IMMP2L: variants seen among roughly 807,000 people sequenced by gnomAD.
IMMP2L encodes inner mitochondrial membrane peptidase subunit 2, also known as mitochondrial inner membrane protease subunit 2.
A neutral mutation model predicts 19.3 loss-of-function variants in IMMP2L; 18 were observed. The ratio of observed to expected loss-of-function variants is 0.93; its 90% CI spans 0.64 to 1.38. IMMP2L has a LOEUF of 1.38. Among genes scored for constraint, IMMP2L ranks in the 40% most tolerant of loss-of-function variants. IMMP2L has a pLI of 0.00. For missense variants in IMMP2L, 233 were observed against 218.2 expected (o/e 1.07, Z -0.43); for synonymous variants, 76 against 73.0 (o/e 1.04, Z -0.21).
intron 3 of IMMP2L, among the ~76,000 whole-genome samples, chr7:110,993,217 G>A (rs1288794322): frequency 6.6e-6 from 1 of 152,010 alleles, no homozygotes; most frequent in Admixed American, 6.6e-5. Context: ...TATGCTGTTT[G>A]AATGATTGAA....
At chr7:111,263,631 G>C (rs963378493) in intron 3 of IMMP2L, among the ~76,000 whole-genome samples, 1 of 152,062 alleles carries the variant, frequency 6.6e-6, no homozygotes, top group Non-Finnish European at 1.5e-5. Context: ...GCATATCAAT[G>C]GTATTTTTAA....
chr7:110,987,466 A>C (rs540739501), intron 3 of IMMP2L, among the ~76,000 whole-genome samples: 1 of 152,190 alleles, frequency 6.6e-6, no homozygotes, highest in African/African-American at 2.4e-5. Context: ...CAAGTATGTC[A>C]AAGTTTCCTT....
intron 3 of IMMP2L, chr7:111,392,115 C>A: frequency 1.6e-6 from 1 of 630,984 alleles, no homozygotes; most frequent in Non-Finnish European, 2.8e-6. Flanking sequence ...CTATTAGCGA[C>A]CCAAGGAGGA....
chr7:111,017,652 T>C (rs1429901878), intron 3 of IMMP2L, among the ~76,000 whole-genome samples: 1 of 152,162 alleles, frequency 6.6e-6, no homozygotes, highest in Admixed American at 6.5e-5. Flanking sequence ...CAATCCCTTC[T>C]TTACCAGCAG....
At chr7:110,664,159 C>A (rs1285274152) in intron 5 of IMMP2L, among the ~76,000 whole-genome samples, 1 of 152,034 alleles carries the variant, frequency 6.6e-6, no homozygotes, top group African/African-American at 2.4e-5. Flanking sequence ...ATAAATCTGG[C>A]GTATATTCTC....
intron 3 of IMMP2L, among the ~76,000 whole-genome samples, chr7:111,054,872 G>A (rs1417101306): frequency 2.0e-5 from 3 of 152,132 alleles, no homozygotes; most frequent in Non-Finnish European, 4.4e-5. Flanking sequence ...GTAAAAGATA[G>A]AAGAGAATTC....
chr7:111,210,679 A>C (rs561029803), intron 3 of IMMP2L, among the ~76,000 whole-genome samples: 1 of 152,158 alleles, frequency 6.6e-6, no homozygotes, highest in African/African-American at 2.4e-5. Flanking sequence ...ATTCTTAATC[A>C]TAAGACTGCC....
intron 3 of IMMP2L, among the ~76,000 whole-genome samples, chr7:110,978,955 T>C (rs1404963414): frequency 6.6e-6 from 1 of 152,046 alleles, no homozygotes; most frequent in Admixed American, 6.5e-5. Context: ...AACATATAAA[T>C]ATACTTTTTA....
intron 3 of IMMP2L, among the ~76,000 whole-genome samples, chr7:111,042,689 G>C (rs1353935828): frequency 6.6e-6 from 1 of 152,174 alleles, no homozygotes; most frequent in Non-Finnish European, 1.5e-5. Flanking sequence ...TAAGAGCTTA[G>C]TGAATAGCAT....
intron 5 of IMMP2L, among the ~76,000 whole-genome samples, chr7:110,851,546 G>T (rs1806228566): frequency 1.3e-5 from 2 of 152,054 alleles, no homozygotes; most frequent in Non-Finnish European, 2.9e-5. Flanking sequence ...CTGAGCAGTG[G>T]TCAGCTCAGT....
intron 5 of IMMP2L, among the ~76,000 whole-genome samples, chr7:110,822,947 A>C (rs1485877158): frequency 6.6e-6 from 1 of 152,090 alleles, no homozygotes. Context: ...GGGATCTGGC[A>C]TAGAGAAGGC....
At position 110,886,393 on chromosome 7, in the gene IMMP2L, C is replaced by T. The variant is rs574637566; in HGVS notation, c.408+200G>A. 5.3e-5 allele frequency among the ~76,000 whole-genome samples: 8 copies of T among 152,030 alleles called. No individual in the cohort carries two copies. The East Asian group carries it at 1.4e-3, about 26-fold the overall frequency. On this transcript the variant is annotated intron_variant, in intron 5 of 5. Transcript: ENST00000405709. ...CTGAGTTTTTTTTCTAAGAAACACACGTGCACACACATACCTACATACACA... is the reference window on the plus strand; with the variant it reads ...CTGAGTTTTTTTTCTAAGAAACACATGTGCACACACATACCTACATACACA...
chr7:111,138,724 GA>G (rs201251900), intron 3 of IMMP2L, among the ~76,000 whole-genome samples: 1 of 151,808 alleles, frequency 6.6e-6, no homozygotes, highest in African/African-American at 2.4e-5. Context: ...TATTTTAAAA[GA>G]AAAAAAATCA....
intron 3 of IMMP2L, among the ~76,000 whole-genome samples, chr7:111,068,365 T>C (rs892569328): frequency 6.6e-6 from 1 of 152,190 alleles, no homozygotes; most frequent in Admixed American, 6.5e-5. Context: ...GAATAATTTC[T>C]CACAGTTCCA....
intron 5 of IMMP2L, among the ~76,000 whole-genome samples, chr7:110,820,858 C>T (rs1277658666): frequency 6.6e-6 from 1 of 152,044 alleles, no homozygotes; most frequent in South Asian, 2.1e-4. Flanking sequence ...TCCTTGAACA[C>T]ACCTTTTCAA....
rs1274688131 is a variant in IMMP2L, at chr7:110,716,915, T to C, written c.409-53194A>G. Among the ~76,000 whole-genome samples, 4 of 152,224 alleles carry C rather than the reference T, an allele frequency of 2.6e-5. No homozygotes were observed. The East Asian group carries it at 7.7e-4, about 29-fold the overall frequency. Reference sequence around the variant, plus strand: ...TCAGGTTTCTAATAAAAAATGATAGTGTTAGTCACTGAAACTGGAAACCTA... The same window carrying C: ...TCAGGTTTCTAATAAAAAATGATAGCGTTAGTCACTGAAACTGGAAACCTA... On this transcript the variant is annotated intron_variant, in intron 5 of 5. Transcript: ENST00000405709.
At chr7:111,036,269 T>C (rs1361942399) in intron 3 of IMMP2L, among the ~76,000 whole-genome samples, 1 of 152,128 alleles carries the variant, frequency 6.6e-6, no homozygotes, top group Non-Finnish European at 1.5e-5. Flanking sequence ...GGCCCCTTAA[T>C]GACAAGAGAC....
chr7:111,100,929 A>T (rs1797903227), intron 3 of IMMP2L, among the ~76,000 whole-genome samples: 1 of 151,552 alleles, frequency 6.6e-6, no homozygotes, highest in African/African-American at 2.4e-5. Flanking sequence ...AGTTTTGAAA[A>T]TATTTGAAAA....
chr7:111,404,245 GTCACCACAAGAAGCTGAAAT>G (rs1400187340), intron 3 of IMMP2L, among the ~76,000 whole-genome samples: 1 of 152,016 alleles, frequency 6.6e-6, no homozygotes, highest in African/African-American at 2.4e-5. Flanking sequence ...ATTAAAAATG[GTCACCACAAGAAGCTGAAAT>G]ATTAGGAGTG....
Sources: gnomAD v4.1 joint callset for allele counts (sites outside exome capture counted in the v4.1 genomes callset) on GRCh38, gnomAD v4.1.1 for gene constraint, MANE v1.5 for transcripts, NCBI Gene and HGNC (gene_info 2026-07-23, HGNC 2026-07-21) for gene names.